ITGA8: variants seen among roughly 807,000 people sequenced by gnomAD.
ITGA8 encodes integrin alpha-8.
Under a neutral mutation model 142.3 loss-of-function variants are expected in ITGA8, and 91 were observed. The ratio of observed to expected loss-of-function variants is 0.64; its 90% CI spans 0.54 to 0.76. ITGA8 has a LOEUF of 0.76. ITGA8 is among the 30% of genes least tolerant of loss of function. The pLI is 0.00. For missense variants in ITGA8, 1,406 were observed against 1,327.7 expected, an observed-to-expected ratio of 1.06 and a Z score of -0.92; for synonymous variants, 505 against 485.2, an observed-to-expected ratio of 1.04 and a Z score of -0.54.
intron 13 of ITGA8, among the ~76,000 whole-genome samples, chr10:15,628,685 A>G (rs899901973): frequency 1.3e-5 from 2 of 151,682 alleles, no homozygotes; most frequent in Non-Finnish European, 2.9e-5. Context: ...TGGGGTCTGG[A>G]TCAGGACCCC....
chr10:15,538,512 G>GGA (rs774937360), intron 27 of ITGA8, among the ~76,000 whole-genome samples: 1 of 98,588 alleles, frequency 1.0e-5, no homozygotes. Flanking sequence ...ACTCCGTCTC[G>GGA]AAAAAAAAAA....
At chr10:15,605,550 T>A (rs1833179299) in intron 19 of ITGA8, among the ~76,000 whole-genome samples, 174 bp downstream of exon 19, 1 of 152,106 alleles carries the variant, frequency 6.6e-6, no homozygotes, top group Non-Finnish European at 1.5e-5. Context: ...TTGACACCAA[T>A]GACAAATAAC....
chr10:15,646,404 G>A (rs1468377971), intron 12 of ITGA8, among the ~76,000 whole-genome samples: 1 of 152,072 alleles, frequency 6.6e-6, no homozygotes, highest in Admixed American at 6.6e-5. Context: ...TTCATTTAGA[G>A]GTTTTCAAAA....
intron 23 of ITGA8, among the ~76,000 whole-genome samples, chr10:15,585,534 C>T (rs1832813033): frequency 6.6e-6 from 1 of 152,218 alleles, no homozygotes. Flanking sequence ...GCTTGTAAAC[C>T]ACCGTGGAAA....
chr10:15,641,386 T>C (rs1448396523), intron 13 of ITGA8, among the ~76,000 whole-genome samples: 6 of 152,240 alleles, frequency 3.9e-5, no homozygotes, highest in African/African-American at 1.4e-4. Context: ...TTCCTGAATT[T>C]GGCCTGCAGC....
chr10:15,614,649 A>G (rs1833361137), intron 14 of ITGA8, among the ~76,000 whole-genome samples: 1 of 152,206 alleles, frequency 6.6e-6, no homozygotes, highest in Non-Finnish European at 1.5e-5. Context: ...GTTGGAAGCC[A>G]AAGTCCTCAA....
intron 2 of ITGA8, among the ~76,000 whole-genome samples, chr10:15,697,287 T>A (rs866805594): frequency 4.6e-5 from 7 of 152,272 alleles, no homozygotes; most frequent in African/African-American, 1.4e-4. Flanking sequence ...CAGAGAAATA[T>A]AAGGACTTTA....
intron 28 of ITGA8, among the ~76,000 whole-genome samples, chr10:15,526,671 C>A (rs1833180676): frequency 6.6e-6 from 1 of 152,168 alleles, no homozygotes; most frequent in Non-Finnish European, 1.5e-5. Context: ...AGTCAATAAA[C>A]TATTTTAATA....
At chr10:15,545,684 G>GT (rs35907315) in intron 27 of ITGA8, among the ~76,000 whole-genome samples, 8,160 of 149,302 alleles carry the variant, frequency 0.055, 708 homozygotes, top group African/African-American at 0.19. Context: ...TAGTTTGCCT[G>GT]TTTTTTTTTT....
chr10:15,539,393 T>A (rs754698840), intron 27 of ITGA8, among the ~76,000 whole-genome samples: 7 of 152,116 alleles, frequency 4.6e-5, no homozygotes, highest in Non-Finnish European at 8.8e-5. Context: ...CCAGGTTAAG[T>A]CTAGATAAAT....
At chr10:15,563,614 C>T in intron 25 of ITGA8, among the ~76,000 whole-genome samples, 1 of 152,080 alleles carries the variant, frequency 6.6e-6, no homozygotes, top group East Asian at 1.9e-4. Flanking sequence ...AGTGGTGGTG[C>T]TAAAACAATA....
In ITGA8 at chr10:15,519,191, A is replaced by G. The variant is rs1039560432; in HGVS notation, c.3105+99T>C. ...TTCAGACTGTTCAAAATTTCCAAAA[A>G]TGCCTCCATAATTGTCTTTTAAAAT... On this transcript the variant is annotated intron_variant, in intron 29 of 29. Transcript: ENST00000378076. 3.3e-5 allele frequency: 47 copies of G among 1,436,270 alleles called. No individual in the cohort carries two copies. The African/African-American group carries it at 6.7e-4, about 21-fold the overall frequency. The allele number at this position is 1,436,270 out of a possible 1,614,324, so 89.0% of individuals were successfully genotyped here. A position where few individuals can be genotyped will look rare whatever the true frequency, so the allele number is the denominator to read the frequency against.
intron 28 of ITGA8, among the ~76,000 whole-genome samples, chr10:15,526,891 G>T (rs1217566707): frequency 6.6e-6 from 1 of 152,122 alleles, no homozygotes; most frequent in Admixed American, 6.6e-5. Flanking sequence ...ATGGAGGAAA[G>T]ACCATAAATA....
intron 26 of ITGA8, among the ~76,000 whole-genome samples, chr10:15,549,641 G>A (rs1833757057): frequency 6.6e-6 from 1 of 151,972 alleles, no homozygotes; most frequent in South Asian, 2.1e-4. Flanking sequence ...TTATCTTGTG[G>A]CCCATGCGTA....
chr10:15,546,060 G>C (rs1833662517), intron 27 of ITGA8, among the ~76,000 whole-genome samples: 1 of 152,120 alleles, frequency 6.6e-6, no homozygotes, highest in African/African-American at 2.4e-5. Context: ...GTTGTATTCT[G>C]TCTGGGGCTC....
chr10:15,702,347 A>G (rs1186097650), intron 2 of ITGA8, among the ~76,000 whole-genome samples: 3 of 151,714 alleles, frequency 2.0e-5, no homozygotes, highest in Non-Finnish European at 4.4e-5. Flanking sequence ...CTAGAGTACA[A>G]TGGCACTATC....
intron 26 of ITGA8, among the ~76,000 whole-genome samples, chr10:15,554,718 CCTTTCTTTCTTTCTTTCTTT>C (rs140932453): frequency 6.7e-6 from 1 of 148,946 alleles, no homozygotes; most frequent in African/African-American, 2.5e-5. Flanking sequence ...CTTTGCAAAT[CCTTTCTTTCTTTCTTTCTTT>C]CTTTCTTTCT....
chr10:15,668,292 T>C (rs1408201552), intron 8 of ITGA8, among the ~76,000 whole-genome samples: 1 of 152,116 alleles, frequency 6.6e-6, no homozygotes, highest in Non-Finnish European at 1.5e-5. Context: ...TTTGTCTCTT[T>C]TGATCTTTGT....
chr10:15,541,567 A>G (rs1833570068), intron 27 of ITGA8, among the ~76,000 whole-genome samples: 1 of 152,226 alleles, frequency 6.6e-6, no homozygotes, highest in Admixed American at 6.5e-5. Context: ...TTTTAAATAG[A>G]CAAGGACTTG....
Sources: gnomAD v4.1 joint callset for allele counts (sites outside exome capture counted in the v4.1 genomes callset) on GRCh38, gnomAD v4.1.1 for gene constraint, MANE v1.5 for transcripts, NCBI Gene and HGNC (gene_info 2026-07-23, HGNC 2026-07-21) for gene names.